ITGAV: variants seen among roughly 807,000 people sequenced by gnomAD.
The protein encoded by ITGAV is integrin alpha-V.
In ITGAV, 76 loss-of-function variants were observed where a neutral mutation model predicts 143.8. The observed-to-expected ratio is 0.53, with a 90% confidence interval of 0.44 to 0.64. The LOEUF is 0.64. ITGAV is among the 30% of genes least tolerant of loss of function. ITGAV has a pLI of 0.00. For synonymous variants in ITGAV, 453 were observed against 446.7 expected (o/e 1.01, Z -0.18); for missense variants, 1,193 against 1,274.7 (o/e 0.94, Z 0.98).
intron 18 of ITGAV, chr2:186,660,513 C>T (rs1688716548): frequency 6.6e-6 from 1 of 152,120 alleles, no homozygotes; most frequent in South Asian, 2.1e-4. Flanking sequence ...TTCATCATTT[C>T]CTTTTCTCTA....
At chr2:186,672,385 T>C (rs1353593688) in intron 26 of ITGAV, among the ~76,000 whole-genome samples, 1 of 152,248 alleles carries the variant, frequency 6.6e-6, no homozygotes, top group African/African-American at 2.4e-5. Context: ...TGAACATTGA[T>C]GCATAAATTT....
chr2:186,646,538 C>T (rs1478444057), intron 12 of ITGAV, 148 bp from the exon 13 acceptor site: 9 of 541,510 alleles, frequency 1.7e-5, no homozygotes, highest in South Asian at 3.2e-5. Context: ...ATATTAAGAT[C>T]TGTACAAATA....
chr2:186,670,178 C>A (rs956206348), intron 26 of ITGAV, among the ~76,000 whole-genome samples: 8 of 152,148 alleles, frequency 5.3e-5, no homozygotes, highest in Non-Finnish European at 7.4e-5. Context: ...ACTTGATTAA[C>A]CTTTGTTGAG....
chr2:186,649,668 A>G (rs1688369413), intron 13 of ITGAV, among the ~76,000 whole-genome samples, 172 bp from the exon 14 acceptor site: 1 of 152,190 alleles, frequency 6.6e-6, no homozygotes, highest in South Asian at 2.1e-4. Flanking sequence ...CACTGGTGGT[A>G]GTTTGTTTAC....
chr2:186,649,859 T>C lies in ITGAV; in HGVS notation c.1371T>C (p.Phe457=). 1 of 1,595,910 alleles carries C rather than the reference T, an allele frequency of 6.3e-7. No individual in the cohort carries two copies. Among genetic ancestry groups the C allele is most frequent in the Non-Finnish European group, 8.5e-7 (1 of 1,170,668 alleles). The change falls in exon 14 of 30, where the codon TTT becomes TTC. Residue 457 remains phenylalanine, a synonymous_variant. Transcript: ENST00000261023. The part of the protein sequence containing the change: ...NGYPDLIVGA[F]GVDRAILYRA... ...CTTAAGACTTAATTGTAGGAGCTTT[T>C]GGTGTAGATCGAGCTATCTTATACA...
chr2:186,601,188 G>A (rs540960598), intron 1 of ITGAV, among the ~76,000 whole-genome samples: 7 of 151,868 alleles, frequency 4.6e-5, no homozygotes, highest in African/African-American at 1.7e-4. Flanking sequence ...CCTAATCTTT[G>A]ACCAAGAATT....
intron 3 of ITGAV, among the ~76,000 whole-genome samples, chr2:186,622,867 A>G (rs1208138342): frequency 2.0e-5 from 3 of 151,824 alleles, no homozygotes; most frequent in Non-Finnish European, 2.9e-5. Flanking sequence ...GGGTCAAGCA[A>G]TTCTCCTGCT....
intron 1 of ITGAV, among the ~76,000 whole-genome samples, chr2:186,596,505 A>G (rs1272859872): frequency 1.3e-5 from 2 of 149,074 alleles, no homozygotes; most frequent in African/African-American, 5.0e-5. Flanking sequence ...GCTAGAGTGC[A>G]GTGGCACAAT....
At chr2:186,638,204 C>A in intron 8 of ITGAV, 73 bp from the exon 9 acceptor site, 1 of 1,329,648 alleles carries the variant, frequency 7.5e-7, no homozygotes, top group Non-Finnish European at 1.1e-6. Context: ...AGCTTGCTGA[C>A]ATAGTCACTT....
intron 2 of ITGAV, among the ~76,000 whole-genome samples, chr2:186,609,357 G>T (rs1687153686): frequency 6.6e-6 from 1 of 152,092 alleles, no homozygotes; most frequent in Admixed American, 6.5e-5. Context: ...TACACTAGTA[G>T]CTAATTAAGA....
At chr2:186,675,546 A>C in intron 26 of ITGAV, 58 bp from the exon 27 acceptor site, 1 of 1,330,600 alleles carries the variant, frequency 7.5e-7, no homozygotes. Flanking sequence ...CAAATTTTCA[A>C]ATGTTGAAGA....
At chr2:186,656,116 G>T in intron 16 of ITGAV, 131 bp from the exon 17 acceptor site, 4 of 554,506 alleles carry the variant, frequency 7.2e-6, no homozygotes, top group Non-Finnish European at 1.3e-5. Context: ...ACAATGTAAT[G>T]ACATTTTAAA....
intron 21 of ITGAV, among the ~76,000 whole-genome samples, chr2:186,666,462 G>C (rs1006142952): frequency 6.6e-6 from 1 of 152,156 alleles, no homozygotes; most frequent in South Asian, 2.1e-4. Context: ...AAGATGGTTA[G>C]TATTATAAGG....
chr2:186,591,635 G>A lies in ITGAV; in HGVS notation c.185+1112G>A, dbSNP rs148010576. On this transcript the variant is annotated intron_variant, in intron 1 of 29. Transcript: ENST00000261023. ...TACTACACACATGCCTAATTTGAGGGTGGTCTCAATGGTTTTCTATGACTG... is the reference window on the plus strand; with the variant it reads ...TACTACACACATGCCTAATTTGAGGATGGTCTCAATGGTTTTCTATGACTG... 1.8e-3 allele frequency among the ~76,000 whole-genome samples: 273 copies of A among 152,238 alleles called. 1 individual carries two copies. Among genetic ancestry groups the A allele is most frequent in the African/African-American group, 6.3e-3 (263 of 41,536 alleles).
rs1321533336 is a variant in ITGAV, at chr2:186,675,494, T to C, written c.2707-110T>C. ...TGTTTATTTTCAAGACAGAAGAATCTGGATAATCTCTTTGGCCATCACACA... is the reference window on the plus strand; with the variant it reads ...TGTTTATTTTCAAGACAGAAGAATCCGGATAATCTCTTTGGCCATCACACA... On this transcript the variant is annotated intron_variant, in intron 26 of 29. Coordinates refer to ENST00000261023, the MANE Select transcript of ITGAV (RefSeq NM_002210.5). 9.9e-6 allele frequency: 7 copies of C among 708,306 alleles called. No individual in the cohort carries two copies. In the East Asian group the frequency reaches 1.6e-4, roughly 16 times the overall value. 43.9% of individuals were successfully genotyped at this position (708,306 alleles called of 1,614,324 possible).
At position 186,644,099 on chromosome 2, in the gene ITGAV, G is replaced by C. The variant is rs1574486454; in HGVS notation, c.1159+2511G>C. ...GCTGGGACTACCAATGTGCACCTCT[G>C]TGCATGGCTGATTTTTGTATTTTTT... On this transcript the variant is annotated intron_variant, in intron 12 of 29. Transcript: ENST00000261023. Among the ~76,000 whole-genome samples the C allele has an allele frequency of 2.0e-5, 3 of 151,972 alleles. No homozygotes were observed. In the South Asian group the frequency reaches 6.2e-4, roughly 32 times the overall value.
In ITGAV at chr2:186,677,827, T is replaced by C. The variant is rs929649631; in HGVS notation, c.*535T>C. The C allele has an allele frequency of 6.5e-6, 1 of 152,854 alleles. No individual in the cohort carries two copies. The highest frequency in any genetic ancestry group is 1.5e-5 in the Non-Finnish European group (1 of 68,198). The allele number at this position is 152,854 out of a possible 1,614,324, so 9.5% of individuals were successfully genotyped here. A position where few individuals can be genotyped will look rare whatever the true frequency, so the allele number is the denominator to read the frequency against. On this transcript the variant is annotated 3_prime_UTR_variant, in exon 30 of 30. Coordinates refer to ENST00000261023, the MANE Select transcript of ITGAV (RefSeq NM_002210.5). ...TAATCACTCATATGGTAGAATTTTATAAACACATACATGATACCATCCAAA... is the reference window on the plus strand; with the variant it reads ...TAATCACTCATATGGTAGAATTTTACAAACACATACATGATACCATCCAAA...
At chr2:186,659,750 T>A (rs1159610064) in intron 18 of ITGAV, among the ~76,000 whole-genome samples, 4 of 149,566 alleles carry the variant, frequency 2.7e-5, no homozygotes, top group Non-Finnish European at 5.9e-5. Context: ...AGTTTATCAT[T>A]TTTTTTTTGT....
rs575373090 is a variant in ITGAV at position 186,640,967 on chromosome 2, A to G, written c.956A>G (p.Asp319Gly). 18 of 1,590,564 alleles carry G rather than the reference A, an allele frequency of 1.1e-5. 1 individual carries two copies. The South Asian group carries it at 2.0e-4, about 18-fold the overall frequency. Residue 319 changes from aspartate (D) to glycine (G), a missense_variant and splice_region_variant, in exon 11 of 30, where the codon GAT (aspartate) becomes GGT (glycine). Transcript: ENST00000261023. ...SVAATDINGD[D>G]YADVFIGAPL... ...GCTGCCACTGACATTAATGGAGATGAGTAAGTTTAAAAAAAAATGTTTCCA... is the reference window on the plus strand; with the variant it reads ...GCTGCCACTGACATTAATGGAGATGGGTAAGTTTAAAAAAAAATGTTTCCA...
Sources: gnomAD v4.1 joint callset for allele counts (sites outside exome capture counted in the v4.1 genomes callset) on GRCh38, gnomAD v4.1.1 for gene constraint, MANE v1.5 for transcripts, NCBI Gene and HGNC (gene_info 2026-07-23, HGNC 2026-07-21) for gene names.